MON2: variants seen among roughly 807,000 people sequenced by gnomAD.
MON2 encodes MON2 regulator of endosome-to-Golgi trafficking.
MON2 carries 84 observed loss-of-function variants against 208.6 expected under a neutral mutation model. The observed-to-expected ratio is 0.40, with a 90% CI of 0.34 to 0.48. MON2 has a LOEUF of 0.48. Ranked by LOEUF, MON2 falls within the 20% of genes least tolerant of loss-of-function variation. The pLI, the probability that MON2 is intolerant of heterozygous loss-of-function variation, is 0.59. For missense variants in MON2, 1,611 were observed against 2,015.4 expected, an observed-to-expected ratio of 0.80 and a Z score of 3.84; for synonymous variants, 660 against 694.0, an observed-to-expected ratio of 0.95 and a Z score of 0.77.
intron 20 of MON2, 136 bp downstream of exon 20, chr12:62,543,334 G>A (rs1376407414): frequency 4.7e-6 from 2 of 428,938 alleles, no homozygotes; most frequent in African/African-American, 2.1e-5. Context: ...ACTTATGTTT[G>A]TACATTTTAT....
chr12:62,514,435 A>T (rs2071581633), intron 8 of MON2, among the ~76,000 whole-genome samples: 1 of 152,242 alleles, frequency 6.6e-6, no homozygotes, highest in Admixed American at 6.5e-5. Context: ...TTACAGTTCC[A>T]CATGGCTGGC....
intron 19 of MON2, among the ~76,000 whole-genome samples, chr12:62,541,826 A>G (rs1452095615): frequency 1.3e-5 from 2 of 152,198 alleles, no homozygotes; most frequent in Non-Finnish European, 2.9e-5. Flanking sequence ...ATTCTTTTAC[A>G]TGATTCCTGA....
chr12:62,556,055 T>G lies in MON2; in HGVS notation c.3272T>G (p.Ile1091Ser). 1 of 1,613,846 alleles carries G rather than the reference T, an allele frequency of 6.2e-7. No homozygotes were observed. The highest frequency in any genetic ancestry group is 8.5e-7 in the Non-Finnish European group (1 of 1,179,900). ...ESSTTADKEKIESGGGNILIH... is the reference protein window; with the variant it reads ...ESSTTADKEKSESGGGNILIH... Reference sequence around the variant, plus strand: ...TCTACCACTGCAGACAAAGAAAAGATTGAGTCTGGAGGTGGCAATATTCTC... The same window carrying G: ...TCTACCACTGCAGACAAAGAAAAGAGTGAGTCTGGAGGTGGCAATATTCTC... Residue 1091 changes from isoleucine to serine, a missense_variant, in exon 25 of 35, where the codon ATT (isoleucine) becomes AGT (serine). By Grantham distance (142) the Ile-to-Ser change is moderately radical (BLOSUM62 -2). Coordinates refer to ENST00000393630, the MANE Select transcript of MON2 (RefSeq NM_015026.3).
rs183705841 is a variant in MON2, at chr12:62,508,387, T to G, written c.891T>G (p.Ser297=). 6.2e-7 allele frequency: 1 copy of G among 1,614,088 alleles called. No homozygotes were observed. The highest frequency in any genetic ancestry group is 8.5e-7 in the Non-Finnish European group (1 of 1,179,936). Residue 297 remains serine, a synonymous_variant, in exon 8 of 35, where the codon TCT becomes TCG. Coordinates refer to ENST00000393630, the MANE Select transcript of MON2 (RefSeq NM_015026.3). ...TCAGACAAGGTTCCAGCACCTCATC[T>G]TCTCCAGCACCAGTTGAAAAACCAT... The part of the protein sequence containing the change: ...IKFRQGSSTS[S]SPAPVEKPYF...
chr12:62,508,509 G>T, intron 8 of MON2, 29 bp downstream of exon 8: 1 of 1,588,830 alleles, frequency 6.3e-7, no homozygotes, highest in Non-Finnish European at 8.6e-7. Flanking sequence ...ATGTATTTGT[G>T]TATATAGTTG....
In MON2 at chr12:62,584,479, G is replaced by A. The variant is rs144800083; in HGVS notation, c.4700-815G>A. On this transcript the variant is annotated intron_variant, in intron 32 of 34. Coordinates refer to ENST00000393630, the MANE Select transcript of MON2 (RefSeq NM_015026.3). ...AGCACTTTGGGAAGCCAAGGCTGGC[G>A]GATCACGAGGTCAGGAAATCGAGAC... is the stretch of plus-strand genomic sequence containing the variant. Among the ~76,000 whole-genome samples the A allele has an allele frequency of 1.9e-3, 288 of 152,164 alleles. 1 individual carries two copies. The highest frequency in any genetic ancestry group is 6.4e-3 in the African/African-American group (267 of 41,522).
At chr12:62,542,990 C>G in intron 19 of MON2, 107 bp from the exon 20 acceptor site, 1 of 591,740 alleles carries the variant, frequency 1.7e-6, no homozygotes, top group Non-Finnish European at 2.9e-6. Flanking sequence ...ACTAACCACT[C>G]AATTTTAATT....
chr12:62,548,670 T>C (rs1488773911), intron 22 of MON2, among the ~76,000 whole-genome samples: 1 of 152,172 alleles, frequency 6.6e-6, no homozygotes, highest in East Asian at 1.9e-4. Context: ...ACCTATAATG[T>C]GGTGTACTAA....
chr12:62,511,398 C>A (rs1312216260), intron 8 of MON2, among the ~76,000 whole-genome samples: 1 of 152,164 alleles, frequency 6.6e-6, no homozygotes. Flanking sequence ...TAAAGTGGTA[C>A]TGGCATAAAG....
intron 21 of MON2, among the ~76,000 whole-genome samples, chr12:62,545,385 A>T (rs2073436528): frequency 6.6e-6 from 1 of 151,982 alleles, no homozygotes; most frequent in African/African-American, 2.4e-5. Flanking sequence ...GTGGCAGAAG[A>T]AACAAGCACA....
intron 7 of MON2, among the ~76,000 whole-genome samples, chr12:62,505,586 G>A (rs2071056520): frequency 6.6e-6 from 1 of 152,006 alleles, no homozygotes; most frequent in African/African-American, 2.4e-5. Flanking sequence ...ATATCAGGTG[G>A]TTCACAGAGA....
chr12:62,532,534 C>G lies in MON2; in HGVS notation c.1497C>G (p.Ile499Met). Residue 499 changes from isoleucine (I) to methionine (M), a missense_variant, in exon 12 of 35, where the codon ATC (isoleucine) becomes ATG (methionine). Coordinates refer to ENST00000393630, the MANE Select transcript of MON2 (RefSeq NM_015026.3). ...GTTTGCTAGACCTTGTTCGTGGAATCACAAGTATGATTGAAGGAGAGCTAG... is the reference window on the plus strand; with the variant it reads ...GTTTGCTAGACCTTGTTCGTGGAATGACAAGTATGATTGAAGGAGAGCTAG... ...FHCLLDLVRG[I>M]TSMIEGELGE... 1.2e-6 allele frequency: 2 copies of G among 1,614,028 alleles called. No homozygotes were observed. Among genetic ancestry groups the G allele is most frequent in the South Asian group, 1.1e-5 (1 of 91,080 alleles).
Position 62,556,172 on chromosome 12 carries a change from G to T in MON2, c.3389G>T (p.Arg1130Ile). Reference protein sequence around the residue: ...AGVARIFNTRRYLLQPLGDFS... With the variant: ...AGVARIFNTRIYLLQPLGDFS... ...GTAGCAAGGATCTTCAACACTAGAA[G>T]ATATTTGCTGCAGCCTTTAGGTATA... is the stretch of plus-strand genomic sequence containing the variant. Residue 1130 changes from arginine to isoleucine, a missense_variant, in exon 25 of 35, where the codon AGA becomes ATA. Coordinates refer to ENST00000393630, the MANE Select transcript of MON2 (RefSeq NM_015026.3). 1 of 1,613,806 alleles carries T rather than the reference G, an allele frequency of 6.2e-7. No individual in the cohort carries two copies. Among genetic ancestry groups the T allele is most frequent in the Non-Finnish European group, 8.5e-7 (1 of 1,179,952 alleles).
intron 30 of MON2, 106 bp downstream of exon 30, chr12:62,571,688 G>A (rs1235063821): frequency 1.1e-6 from 1 of 949,082 alleles, no homozygotes; most frequent in African/African-American, 1.7e-5. Flanking sequence ...TGATTATAAA[G>A]GTTGCTAGAT....
At chr12:62,493,000 C>T (rs919033644) in intron 2 of MON2, among the ~76,000 whole-genome samples, 3 of 151,232 alleles carry the variant, frequency 2.0e-5, no homozygotes, top group Admixed American at 1.3e-4. Flanking sequence ...CAAAAAAAAC[C>T]AAAAAGACAC....
chr12:62,552,227 G>A (rs529471533), intron 23 of MON2, among the ~76,000 whole-genome samples: 4 of 152,190 alleles, frequency 2.6e-5, no homozygotes, highest in Middle Eastern at 3.4e-3. Flanking sequence ...CACGGATACC[G>A]AGGGACAACT....
chr12:62,493,485 AT>A, intron 2 of MON2, among the ~76,000 whole-genome samples: 1 of 152,358 alleles, frequency 6.6e-6, no homozygotes, highest in South Asian at 2.1e-4. Context: ...ATTTCTTAAT[AT>A]TCATTTACAA....
intron 2 of MON2, among the ~76,000 whole-genome samples, chr12:62,489,662 A>AT (rs939803828): frequency 6.6e-5 from 10 of 151,870 alleles, no homozygotes; most frequent in African/African-American, 1.9e-4. Flanking sequence ...GAGGACTTAG[A>AT]TTTTTTCTTT....
In MON2 at chr12:62,467,006, G is replaced by T; in HGVS notation, c.-202G>T. 1 of 522,914 alleles carries T rather than the reference G, an allele frequency of 1.9e-6. No individual in the cohort carries two copies. The highest frequency in any genetic ancestry group is 3.4e-6 in the Non-Finnish European group (1 of 294,658). The allele number at this position is 522,914 out of a possible 1,614,324, so 32.4% of individuals were successfully genotyped here. A position where few individuals can be genotyped will look rare whatever the true frequency, so the allele number is the denominator to read the frequency against. On this transcript the variant is annotated 5_prime_UTR_variant, in exon 1 of 35. Transcript: ENST00000393630. Reference sequence around the variant, plus strand: ...TAGCGGGACGGTGCGACTGCGGGGGGCGCCTCCGAGAAAAGCCAGAGGTGT... The same window carrying T: ...TAGCGGGACGGTGCGACTGCGGGGGTCGCCTCCGAGAAAAGCCAGAGGTGT...
Sources: allele counts gnomAD v4.1 joint callset (sites outside exome capture counted in the v4.1 genomes callset), GRCh38; gene constraint gnomAD v4.1.1; transcripts MANE v1.5; gene names NCBI Gene and HGNC (gene_info 2026-07-23, HGNC 2026-07-21).